Variants in DAB1 observed in about 807,000 individuals in gnomAD.
The protein encoded by DAB1 is disabled homolog 1.
A neutral mutation model predicts 64.6 loss-of-function variants in DAB1; 15 were observed. That is an observed-to-expected ratio of 0.23 (90% confidence interval 0.16 to 0.36). The LOEUF (loss-of-function observed/expected upper bound fraction) is 0.36. Among genes scored for constraint, DAB1 ranks in the 10% least tolerant of loss-of-function variants. The pLI is 1.00. For missense variants in DAB1, 596 were observed against 706.7 expected (o/e 0.84, Z 1.78); for synonymous variants, 235 against 251.9 (o/e 0.93, Z 0.64).
At chr1:57,176,851 C>G (rs1662368757) in intron 2 of DAB1, among the ~76,000 whole-genome samples, 1 of 151,232 alleles carries the variant, frequency 6.6e-6, no homozygotes, top group African/African-American at 2.4e-5. Context: ...ATCTATCTTT[C>G]TAATATGAAC....
intron 2 of DAB1, among the ~76,000 whole-genome samples, chr1:58,507,838 T>C (rs965667540): frequency 8.5e-5 from 13 of 152,124 alleles, no homozygotes; most frequent in Non-Finnish European, 1.6e-4. Context: ...TTAACAAGTA[T>C]TCTTCTCAAA....
intron 7 of DAB1, among the ~76,000 whole-genome samples, chr1:57,637,294 C>T (rs1006618425): frequency 2.6e-5 from 4 of 152,144 alleles, no homozygotes; most frequent in Non-Finnish European, 4.4e-5. Flanking sequence ...AAAATGCATT[C>T]CCAGCTTCAG....
intron 4 of DAB1, among the ~76,000 whole-genome samples, chr1:58,332,653 C>T (rs1420870047): frequency 6.6e-6 from 1 of 151,922 alleles, no homozygotes; most frequent in Non-Finnish European, 1.5e-5. Context: ...CAACCTTTGG[C>T]CAAAAAGGAG....
At chr1:57,052,108 G>A (rs1338882551) in intron 9 of DAB1, among the ~76,000 whole-genome samples, 8 of 132,908 alleles carry the variant, frequency 6.0e-5, no homozygotes, top group South Asian at 2.5e-4. Context: ...TGTAAATCAC[G>A]TCTACCTGCT....
chr1:57,471,124 C>A (rs185025740), intron 7 of DAB1, among the ~76,000 whole-genome samples: 295 of 152,310 alleles, frequency 1.9e-3, no homozygotes, highest in African/African-American at 6.4e-3. Context: ...GATCATCTTA[C>A]TTTTTCATAC....
chr1:57,945,424 A>AACTGTTATTATTATT (rs1645169832), intron 5 of DAB1, among the ~76,000 whole-genome samples: 1 of 111,256 alleles, frequency 9.0e-6, no homozygotes, highest in Admixed American at 9.8e-5. Flanking sequence ...CACACTTGCT[A>AACTGTTATTATTATT]ATTGTTATTA....
intron 3 of DAB1, among the ~76,000 whole-genome samples, chr1:58,371,706 C>T (rs12035899): frequency 0.11 from 16,320 of 152,228 alleles, 951 homozygotes; most frequent in Middle Eastern, 0.17. Context: ...GACCCCCCTG[C>T]TCTGTGAAGC....
intron 7 of DAB1, among the ~76,000 whole-genome samples, chr1:57,503,479 T>C (rs1356040694): frequency 1.3e-5 from 2 of 152,186 alleles, no homozygotes; most frequent in African/African-American, 2.4e-5. Flanking sequence ...TTCCCATCTG[T>C]CATCTGCACT....
At chr1:57,508,356 G>C (rs1055410570) in intron 7 of DAB1, among the ~76,000 whole-genome samples, 1 of 152,130 alleles carries the variant, frequency 6.6e-6, no homozygotes, top group African/African-American at 2.4e-5. Context: ...TGACACACAA[G>C]AGACGCTAAA....
At chr1:57,190,259 TAGAAAAG>T (rs890309182) in intron 2 of DAB1, among the ~76,000 whole-genome samples, 1 of 152,082 alleles carries the variant, frequency 6.6e-6, no homozygotes, top group African/African-American at 2.4e-5. Flanking sequence ...AGCACTGCCT[TAGAAAAG>T]AGAGTTCACA....
rs61770763 is a variant in DAB1 at position 57,442,107 on chromosome 1, G to A, written n.626-150941C>T. ...CTTAGTTCTGACACTGTGAAGGTGT[G>A]AATTTGGTTAAGTTCCTCAATTCTC... On this transcript the variant is annotated intron_variant and non_coding_transcript_variant, in intron 7 of 20. Transcript: ENST00000485760. Among the ~76,000 whole-genome samples, 21 of 152,298 alleles carry A rather than the reference G, an allele frequency of 1.4e-4. No individual in the cohort carries two copies. In the East Asian group the frequency reaches 4.0e-3, roughly 29 times the overall value.
At chr1:57,129,061 G>A (rs1424741481) in intron 4 of DAB1, among the ~76,000 whole-genome samples, 3 of 152,132 alleles carry the variant, frequency 2.0e-5, no homozygotes, top group African/African-American at 2.4e-5. Flanking sequence ...TGAGTTAAAC[G>A]AGGCCAAGCA....
intron 5 of DAB1, among the ~76,000 whole-genome samples, chr1:57,915,016 TAAAAC>T (rs1273936087): frequency 6.8e-6 from 1 of 147,350 alleles, no homozygotes; most frequent in Non-Finnish European, 1.5e-5. Context: ...AAAACAAAAA[TAAAAC>T]CAATCAACCA....
chr1:58,011,236 G>T (rs149324767), intron 5 of DAB1, among the ~76,000 whole-genome samples: 1 of 152,152 alleles, frequency 6.6e-6, no homozygotes, highest in African/African-American at 2.4e-5. Context: ...AGTCTCTACC[G>T]GTTTATACTA....
In DAB1 at chr1:57,208,478, G is replaced by A. The variant is rs150999947; in HGVS notation, c.68-63049C>T. ...TCACACTCTTCCCTTAGGAACAACAGCCTTTCAGACCACCTCACCTGGCTT... is the reference window on the plus strand; with the variant it reads ...TCACACTCTTCCCTTAGGAACAACAACCTTTCAGACCACCTCACCTGGCTT... On this transcript the variant is annotated intron_variant, in intron 2 of 14. Transcript: ENST00000371236. 1.8e-3 allele frequency among the ~76,000 whole-genome samples: 269 copies of A among 152,278 alleles called. 1 individual carries two copies. Among genetic ancestry groups the A allele is most frequent in the African/African-American group, 6.4e-3 (264 of 41,544 alleles).
At chr1:57,384,731 G>A (rs987009070) in intron 1 of DAB1, among the ~76,000 whole-genome samples, 1 of 152,074 alleles carries the variant, frequency 6.6e-6, no homozygotes, top group African/African-American at 2.4e-5. Flanking sequence ...ACTGGGAGGT[G>A]GAGGGAAAAA....
intron 7 of DAB1, among the ~76,000 whole-genome samples, chr1:57,594,867 C>T (rs917662641): frequency 1.2e-4 from 18 of 152,040 alleles, no homozygotes; most frequent in African/African-American, 3.9e-4. Context: ...CCTGCCACCA[C>T]GCCTGGCTAA....
chr1:57,881,764 AT>A (rs1557534646), intron 1 of DAB1, among the ~76,000 whole-genome samples: 1 of 152,120 alleles, frequency 6.6e-6, no homozygotes, highest in Non-Finnish European at 1.5e-5. Flanking sequence ...TCAGGGAAAG[AT>A]TTAACCAGAA....
intron 6 of DAB1, among the ~76,000 whole-genome samples, chr1:57,751,918 C>T (rs942431302): frequency 6.6e-6 from 1 of 152,216 alleles, no homozygotes; most frequent in Non-Finnish European, 1.5e-5. Context: ...GGCTGTAAAG[C>T]CCCCTGGAGA....
Sources: gnomAD v4.1 joint callset for allele counts (sites outside exome capture counted in the v4.1 genomes callset) on GRCh38, gnomAD v4.1.1 for gene constraint, MANE v1.5 for transcripts, NCBI Gene and HGNC (gene_info 2026-07-23, HGNC 2026-07-21) for gene names.